Variants in ATP2B1 observed in about 807,000 individuals in gnomAD.
ATP2B1 encodes the protein ATPase plasma membrane Ca2+ transporting 1.
Under a neutral mutation model 124.2 loss-of-function variants are expected in ATP2B1, and 14 were observed. That is an observed-to-expected ratio of 0.11 (90% CI 0.07 to 0.18). The LOEUF (loss-of-function observed/expected upper bound fraction) is 0.18, where lower values mean the gene tolerates loss of function less well. ATP2B1 is among the 10% of genes least tolerant of loss of function. The pLI, the probability that ATP2B1 is intolerant of heterozygous loss-of-function variation, is 1.00. For synonymous variants in ATP2B1, 449 were observed against 492.4 expected, an observed-to-expected ratio of 0.91 and a Z score of 1.17; for missense variants, 763 against 1,466.1, an observed-to-expected ratio of 0.52 and a Z score of 7.83.
At chr12:89,639,512 T>C (rs1269009306) in intron 3 of ATP2B1, among the ~76,000 whole-genome samples, 1 of 151,164 alleles carries the variant, frequency 6.6e-6, no homozygotes, top group Non-Finnish European at 1.5e-5. Flanking sequence ...TCAATATATA[T>C]ATAGTCTCTC....
intron 2 of ATP2B1, among the ~76,000 whole-genome samples, chr12:89,650,650 C>A (rs1363181216): frequency 6.6e-6 from 1 of 152,182 alleles, no homozygotes; most frequent in African/African-American, 2.4e-5. Flanking sequence ...TTACAGAATA[C>A]CACTTGGCAC....
chr12:89,664,897 G>C (rs138682539), intron 1 of ATP2B1, among the ~76,000 whole-genome samples: 2 of 151,066 alleles, frequency 1.3e-5, no homozygotes, highest in African/African-American at 2.4e-5. Context: ...TGCCAGGCTG[G>C]AGTGCAGTGC....
At chr12:89,684,117 A>G (rs978404944) in intron 1 of ATP2B1, among the ~76,000 whole-genome samples, 15 of 152,206 alleles carry the variant, frequency 9.9e-5, no homozygotes, top group African/African-American at 3.4e-4. Flanking sequence ...GAAAGAAGAA[A>G]TAAGAAAACA....
intron 1 of ATP2B1, among the ~76,000 whole-genome samples, chr12:89,676,999 T>G (rs1888687978): frequency 6.6e-6 from 1 of 150,990 alleles, no homozygotes; most frequent in Non-Finnish European, 1.5e-5. Flanking sequence ...GAAGTCACTC[T>G]CTCTCAAAAA....
chr12:89,671,074 A>G (rs1887913995), intron 1 of ATP2B1, among the ~76,000 whole-genome samples: 1 of 152,288 alleles, frequency 6.6e-6, no homozygotes, highest in African/African-American at 2.4e-5. Context: ...AGGTTAAACC[A>G]TATGACACTG....
At position 89,589,774 on chromosome 12, in the gene ATP2B1, A is replaced by C. The variant is rs1233715512; in HGVS notation, c.*1210T>G. Reference sequence around the variant, plus strand: ...TATGCAGAACTGAGTAAAGAAGCTGAAATGTCTTTTAAAAAAACATTGCCA... The same window carrying C: ...TATGCAGAACTGAGTAAAGAAGCTGCAATGTCTTTTAAAAAAACATTGCCA... On this transcript the variant is annotated 3_prime_UTR_variant, in exon 21 of 21. Transcript: ENST00000428670. 5 of 152,266 alleles carry C rather than the reference A, an allele frequency of 3.3e-5. No individual in the cohort carries two copies. In the East Asian group the frequency reaches 5.8e-4, roughly 18 times the overall value. 9.4% of individuals were successfully genotyped at this position (152,266 alleles called of 1,614,324 possible).
rs770761514 is a variant in ATP2B1, at chr12:89,616,856, G to A, written c.2013C>T (p.Val671=). 2 of 1,614,076 alleles carry A rather than the reference G, an allele frequency of 1.2e-6. No homozygotes were observed. The highest frequency in any genetic ancestry group is 1.7e-6 in the Non-Finnish European group (2 of 1,179,974). Residue 671 remains valine, a synonymous_variant, in exon 12 of 21, where the codon GTC becomes GTT. Transcript: ENST00000428670. ...CAACAGCAATGCATGTAAGGCCGGTGACAATATCATTTTCATTATCCCACT... is the reference window on the plus strand; with the variant it reads ...CAACAGCAATGCATGTAAGGCCGGTAACAATATCATTTTCATTATCCCACT... ...EPEWDNENDI[V]TGLTCIAVVG...
chr12:89,599,755 A>G (rs980629940), intron 19 of ATP2B1, among the ~76,000 whole-genome samples: 6 of 152,188 alleles, frequency 3.9e-5, no homozygotes, highest in Non-Finnish European at 1.5e-5. Context: ...GTTACACTGA[A>G]AATAGTTTTG....
At position 89,604,111 on chromosome 12, in the gene ATP2B1, T is replaced by A. The variant is rs534954161; in HGVS notation, c.2634+44A>T. The A allele has an allele frequency of 7.7e-6, 12 of 1,567,808 alleles. No individual in the cohort carries two copies. In the African/African-American group the frequency reaches 1.1e-4, roughly 14 times the overall value. On this transcript the variant is annotated intron_variant, in intron 16 of 20. Transcript: ENST00000428670. The stretch of plus-strand genomic sequence containing the variant: ...TTTAAGAGGCATTTAATATACTTTT[T>A]AAATTTAAAGTAAACAAGTTTTGAT...
intron 1 of ATP2B1, among the ~76,000 whole-genome samples, chr12:89,704,653 T>C (rs1490519271): frequency 6.6e-6 from 1 of 152,136 alleles, no homozygotes; most frequent in Non-Finnish European, 1.5e-5. Flanking sequence ...TACAATTGTC[T>C]GCCTTACTCA....
intron 1 of ATP2B1, among the ~76,000 whole-genome samples, chr12:89,684,359 G>A (rs1239535788): frequency 6.6e-6 from 1 of 152,138 alleles, no homozygotes; most frequent in Non-Finnish European, 1.5e-5. Context: ...ATGTGCTAAC[G>A]CTGGGAGCTA....
intron 1 of ATP2B1, among the ~76,000 whole-genome samples, chr12:89,681,082 C>T (rs2136635361): frequency 6.6e-6 from 1 of 152,190 alleles, no homozygotes; most frequent in East Asian, 1.9e-4. Flanking sequence ...GAAGCTTTAG[C>T]AAAATGACTA....
At chr12:89,701,383 C>CA (rs1891836698) in intron 1 of ATP2B1, among the ~76,000 whole-genome samples, 1 of 152,134 alleles carries the variant, frequency 6.6e-6, no homozygotes, top group Non-Finnish European at 1.5e-5. Flanking sequence ...CATAAAAGAA[C>CA]TGAGATAAGA....
intron 1 of ATP2B1, among the ~76,000 whole-genome samples, chr12:89,663,257 G>A (rs1030583889): frequency 6.6e-6 from 1 of 152,180 alleles, no homozygotes; most frequent in African/African-American, 2.4e-5. Context: ...TGGTATGCCA[G>A]ATATATTATA....
chr12:89,682,249 A>C (rs1889447346), intron 1 of ATP2B1, among the ~76,000 whole-genome samples: 1 of 152,172 alleles, frequency 6.6e-6, no homozygotes, highest in Non-Finnish European at 1.5e-5. Context: ...AAACAAAGAG[A>C]GACATTCTTT....
intron 1 of ATP2B1, among the ~76,000 whole-genome samples, chr12:89,662,582 C>T (rs1394656010): frequency 6.6e-6 from 1 of 152,080 alleles, no homozygotes; most frequent in Non-Finnish European, 1.5e-5. Flanking sequence ...ACCTATACTG[C>T]TTGTTTAGAA....
At chr12:89,606,780 T>G (rs994303477) in intron 15 of ATP2B1, among the ~76,000 whole-genome samples, 2 of 152,028 alleles carry the variant, frequency 1.3e-5, no homozygotes, top group Non-Finnish European at 2.9e-5. Context: ...TATACCATGT[T>G]GGCGAGACTG....
intron 1 of ATP2B1, 63 bp from the exon 2 acceptor site, chr12:89,656,170 A>G (rs373362639): frequency 2.5e-6 from 1 of 403,588 alleles, no homozygotes; most frequent in Admixed American, 4.2e-5. Context: ...GCATGTAAGC[A>G]TATTTTCTAA....
chr12:89,678,238 G>A (rs4842673), intron 1 of ATP2B1, among the ~76,000 whole-genome samples: 139,071 of 151,884 alleles, frequency 0.92, 64,133 homozygotes, highest in East Asian at 0.99. Flanking sequence ...TCAAACCATA[G>A]TGATTCCATA....
Sources: allele counts gnomAD v4.1 joint callset (sites outside exome capture counted in the v4.1 genomes callset), GRCh38; gene constraint gnomAD v4.1.1; transcripts MANE v1.5; gene names NCBI Gene and HGNC (gene_info 2026-07-23, HGNC 2026-07-21).